The following ZFHX3 variants were observed in gnomAD, a reference collection of about 807,000 sequenced individuals.
The protein encoded by ZFHX3 is zinc finger homeobox protein 3.
A neutral mutation model predicts 279.1 loss-of-function variants in ZFHX3; 42 were observed. The observed-to-expected ratio is 0.15, with a 90% CI of 0.12 to 0.19. The LOEUF is 0.19. Ranked by LOEUF, ZFHX3 falls within the 10% of genes least tolerant of loss-of-function variation. The probability of loss-of-function intolerance (pLI) is 1.00; values close to 1 mark genes in which losing one functional copy is unlikely to be tolerated. For synonymous variants in ZFHX3, 2,293 were observed against 1,957.8 expected, an observed-to-expected ratio of 1.17 and a Z score of -4.52; for missense variants, 4,981 against 4,754.0, an observed-to-expected ratio of 1.05 and a Z score of -1.40.
intron 3 of ZFHX3, among the ~76,000 whole-genome samples, chr16:72,945,002 G>A (rs960725269): frequency 6.6e-6 from 1 of 151,960 alleles, no homozygotes; most frequent in Non-Finnish European, 1.5e-5. Flanking sequence ...TCCATTATGT[G>A]GTGTCTAAAG....
chr16:73,666,522 T>C (rs1210973095), intron 2 of ZFHX3, among the ~76,000 whole-genome samples: 1 of 151,970 alleles, frequency 6.6e-6, no homozygotes, highest in Non-Finnish European at 1.5e-5. Context: ...TGCTCCCATA[T>C]GAAGCCTTGA....
intron 2 of ZFHX3, among the ~76,000 whole-genome samples, chr16:72,954,612 T>C (rs1039560351): frequency 1.3e-5 from 2 of 152,200 alleles, no homozygotes; most frequent in Non-Finnish European, 2.9e-5. Flanking sequence ...GTCCAGGGGC[T>C]GGCTGGCTAC....
intron 8 of ZFHX3, among the ~76,000 whole-genome samples, chr16:73,089,683 C>T (rs1330300900): frequency 6.6e-6 from 1 of 152,174 alleles, no homozygotes; most frequent in Admixed American, 6.5e-5. Context: ...GATGAATGTA[C>T]CAGGGAAGGC....
At chr16:73,864,438 G>T (rs1278662585) in intron 1 of ZFHX3, among the ~76,000 whole-genome samples, 1 of 152,224 alleles carries the variant, frequency 6.6e-6, no homozygotes, top group Non-Finnish European at 1.5e-5. Context: ...AAATATGTAG[G>T]CTGGGTCTAG....
At chr16:73,114,405 G>T (rs1966409952) in intron 7 of ZFHX3, among the ~76,000 whole-genome samples, 1 of 152,104 alleles carries the variant, frequency 6.6e-6, no homozygotes, top group African/African-American at 2.4e-5. Flanking sequence ...GTCAGTCATG[G>T]TGGTTCATGC....
intron 2 of ZFHX3, among the ~76,000 whole-genome samples, chr16:73,509,508 T>A (rs149518548): frequency 2.9e-3 from 432 of 148,158 alleles, no homozygotes; most frequent in Non-Finnish European, 4.1e-3. Flanking sequence ...CAGTTTAGCT[T>A]TCTTTCCCTC....
At chr16:73,358,211 C>T (rs957767992) in intron 3 of ZFHX3, among the ~76,000 whole-genome samples, 8 of 152,254 alleles carry the variant, frequency 5.3e-5, no homozygotes, top group Admixed American at 1.3e-4. Context: ...CTGGCATCTG[C>T]ACTCTCTTGC....
At chr16:73,539,433 CTTTTTTT>C (rs1162434013) in intron 2 of ZFHX3, among the ~76,000 whole-genome samples, 1,291 of 65,006 alleles carry the variant, frequency 0.02, 10 homozygotes, top group African/African-American at 0.06. Context: ...TCCTCTTCTT[CTTTTTTT>C]TTTTTTTTTT....
chr16:73,357,388 C>G (rs2016361283), intron 3 of ZFHX3, among the ~76,000 whole-genome samples: 1 of 150,524 alleles, frequency 6.6e-6, no homozygotes, highest in African/African-American at 2.4e-5. Context: ...ATGGTAACGT[C>G]TTCTGGGAGC....
At chr16:73,114,851 T>G (rs776976122) in intron 7 of ZFHX3, among the ~76,000 whole-genome samples, 16 of 152,044 alleles carry the variant, frequency 1.1e-4, no homozygotes, top group Non-Finnish European at 2.2e-4. Context: ...AGAGATGGGG[T>G]CTTGCTGTGT....
At chr16:73,457,267 C>G (rs529866017) in intron 2 of ZFHX3, among the ~76,000 whole-genome samples, 1 of 152,098 alleles carries the variant, frequency 6.6e-6, no homozygotes, top group Non-Finnish European at 1.5e-5. Flanking sequence ...ATGAGAGGCC[C>G]CCATGAAAGA....
chr16:73,101,310 C>A (rs539086757), intron 7 of ZFHX3, among the ~76,000 whole-genome samples: 1 of 152,220 alleles, frequency 6.6e-6, no homozygotes, highest in Non-Finnish European at 1.5e-5. Flanking sequence ...GGGCTTCAGA[C>A]TCCTCAGCAT....
chr16:73,579,420 G>A (rs560615048), intron 2 of ZFHX3, among the ~76,000 whole-genome samples: 7 of 152,064 alleles, frequency 4.6e-5, no homozygotes, highest in African/African-American at 1.7e-4. Context: ...ATTGAGACCT[G>A]TCTCAAATAC....
intron 9 of ZFHX3, chr16:72,791,633 T>TC (rs1310845982): frequency 6.6e-6 from 1 of 152,246 alleles, no homozygotes; most frequent in Non-Finnish European, 1.5e-5. Flanking sequence ...TACTTTTTTT[T>TC]CACATTACTA....
chr16:73,516,652 T>G (rs1421208965), intron 2 of ZFHX3, among the ~76,000 whole-genome samples: 1 of 152,108 alleles, frequency 6.6e-6, no homozygotes, highest in African/African-American at 2.4e-5. Context: ...CAAACCAAAA[T>G]CATCCCTTTC....
At chr16:73,360,564 G>A (rs1482972248) in intron 3 of ZFHX3, among the ~76,000 whole-genome samples, 1 of 152,156 alleles carries the variant, frequency 6.6e-6, no homozygotes, top group African/African-American at 2.4e-5. Context: ...ATCTTGAACT[G>A]CTGGCCTCAA....
chr16:73,846,426 T>C (rs1205133523), intron 1 of ZFHX3, among the ~76,000 whole-genome samples: 3 of 152,136 alleles, frequency 2.0e-5, no homozygotes, highest in African/African-American at 7.2e-5. Context: ...ACTCAACTAG[T>C]TCTGGTTTGG....
At chr16:73,864,279 A>G (rs558095124) in intron 1 of ZFHX3, among the ~76,000 whole-genome samples, 1 of 152,334 alleles carries the variant, frequency 6.6e-6, no homozygotes, top group South Asian at 2.1e-4. Context: ...AGTCAACGTT[A>G]ATATACTTGC....
intron 2 of ZFHX3, among the ~76,000 whole-genome samples, chr16:73,535,722 C>CTTTTTTT (rs56867952): frequency 7.2e-6 from 1 of 139,004 alleles, no homozygotes. Context: ...TGCCCCCTAT[C>CTTTTTTT]TTTTTTTTTT....
Sources: allele counts gnomAD v4.1 joint callset (sites outside exome capture counted in the v4.1 genomes callset), GRCh38; gene constraint gnomAD v4.1.1; transcripts MANE v1.5; gene names NCBI Gene and HGNC (gene_info 2026-07-23, HGNC 2026-07-21).